Variants in CDKAL1 observed in about 807,000 individuals in gnomAD.
CDKAL1 encodes threonylcarbamoyladenosine tRNA methylthiotransferase.
CDKAL1 carries 32 observed loss-of-function variants against 68.2 expected under a neutral mutation model. The ratio of observed to expected loss-of-function variants is 0.47; its 90% CI spans 0.35 to 0.63. CDKAL1 has a LOEUF of 0.63. Among genes scored for constraint, CDKAL1 ranks in the 30% least tolerant of loss-of-function variants. The probability of loss-of-function intolerance (pLI) is 0.00; values close to 1 mark genes in which losing one functional copy is unlikely to be tolerated. For synonymous variants in CDKAL1, 234 were observed against 244.3 expected, an observed-to-expected ratio of 0.96 and a Z score of 0.39; for missense variants, 606 against 696.7, an observed-to-expected ratio of 0.87 and a Z score of 1.47.
At chr6:20,848,279 G>GTTTTTTTTTTTTT (rs1554130310) in intron 9 of CDKAL1, among the ~76,000 whole-genome samples, 31 of 62,328 alleles carry the variant, frequency 5.0e-4, no homozygotes, top group African/African-American at 1.1e-3. Context: ...CTGGAAAGTT[G>GTTTTTTTTTTTTT]TTTTTTTTTT....
Position 21,198,366 on chromosome 6 carries a change from G to A in CDKAL1, c.1383+262G>A, listed in dbSNP as rs892522342. 9.2e-5 allele frequency among the ~76,000 whole-genome samples: 14 copies of A among 152,256 alleles called. 1 individual carries two copies. In the East Asian group the frequency reaches 2.5e-3, roughly 27 times the overall value. On this transcript the variant is annotated intron_variant, in intron 14 of 15. Coordinates refer to ENST00000274695, the MANE Select transcript of CDKAL1 (RefSeq NM_017774.3). The stretch of plus-strand genomic sequence containing the variant: ...CCAGCTTTAGGCTTTTGGGCGTTTG[G>A]AACCAGGCAATTAGCACTGCCAGAA...
intron 4 of CDKAL1, among the ~76,000 whole-genome samples, chr6:20,605,971 G>A (rs1766317157): frequency 6.6e-6 from 1 of 152,116 alleles, no homozygotes; most frequent in Non-Finnish European, 1.5e-5. Flanking sequence ...TCTTAACTCT[G>A]TCTTAGTGCA....
chr6:20,862,656 TGTGTGTGCGCGCGTGCATGCGCGC>T (rs1436591154), intron 9 of CDKAL1, among the ~76,000 whole-genome samples: 1 of 150,220 alleles, frequency 6.7e-6, no homozygotes, highest in Non-Finnish European at 1.5e-5. Context: ...TGTGTGTGTG[TGTGTGTGCGCGCGTGCATGCGCGC>T]GTGCGCATAT....
At chr6:21,209,489 G>C (rs1348277239) in intron 15 of CDKAL1, among the ~76,000 whole-genome samples, 1 of 152,188 alleles carries the variant, frequency 6.6e-6, no homozygotes, top group Non-Finnish European at 1.5e-5. Flanking sequence ...AATGAATATG[G>C]GCTTGGTCTT....
intron 11 of CDKAL1, among the ~76,000 whole-genome samples, chr6:21,032,412 C>G (rs1769343837): frequency 1.3e-5 from 2 of 152,114 alleles, no homozygotes; most frequent in South Asian, 4.1e-4. Flanking sequence ...ATGTTCAAAA[C>G]AGCGGAACTC....
At chr6:20,781,992 T>A (rs911034283) in intron 8 of CDKAL1, among the ~76,000 whole-genome samples, 4 of 152,218 alleles carry the variant, frequency 2.6e-5, no homozygotes, top group African/African-American at 9.7e-5. Context: ...CCCTTTTACT[T>A]CATCCTCCTT....
At chr6:20,600,734 TA>T (rs1766045936) in intron 4 of CDKAL1, among the ~76,000 whole-genome samples, 1 of 121,576 alleles carries the variant, frequency 8.2e-6, no homozygotes, top group South Asian at 2.8e-4. Flanking sequence ...AATGATGATT[TA>T]AAAAACCTGG....
At chr6:21,069,770 CTTTCTTT>C (rs1771655785) in intron 12 of CDKAL1, among the ~76,000 whole-genome samples, 28 of 42,246 alleles carry the variant, frequency 6.6e-4, no homozygotes, top group Non-Finnish European at 1.2e-3. Context: ...CCCAGATTTT[CTTTCTTT>C]TTTTTTTTTT....
chr6:20,710,807 C>G (rs1196976396), intron 5 of CDKAL1, among the ~76,000 whole-genome samples: 2 of 151,920 alleles, frequency 1.3e-5, no homozygotes, highest in African/African-American at 4.8e-5. Context: ...TTTGTTTGGC[C>G]AAGTATTTTC....
chr6:21,045,963 C>A (rs1410509034), intron 11 of CDKAL1, among the ~76,000 whole-genome samples: 1 of 152,136 alleles, frequency 6.6e-6, no homozygotes, highest in African/African-American at 2.4e-5. Flanking sequence ...CAGTGGGAGG[C>A]AGCTTATTAT....
At chr6:20,844,972 T>C (rs1030194323) in intron 8 of CDKAL1, among the ~76,000 whole-genome samples, 11 of 152,204 alleles carry the variant, frequency 7.2e-5, no homozygotes, top group Admixed American at 7.2e-4. Flanking sequence ...CAAGATTATG[T>C]GGTCGGTTAA....
chr6:20,857,233 A>C (rs1329468858), intron 9 of CDKAL1, among the ~76,000 whole-genome samples: 1 of 152,212 alleles, frequency 6.6e-6, no homozygotes, highest in Non-Finnish European at 1.5e-5. Context: ...GACTTTTAAA[A>C]ATACGTCCTC....
intron 11 of CDKAL1, among the ~76,000 whole-genome samples, chr6:21,057,845 G>C (rs1770920634): frequency 6.6e-6 from 1 of 152,102 alleles, no homozygotes; most frequent in African/African-American, 2.4e-5. Flanking sequence ...TTAATCCTGG[G>C]TTCTAATTTG....
chr6:20,680,626 T>G (rs976004970), intron 5 of CDKAL1, among the ~76,000 whole-genome samples: 2 of 152,212 alleles, frequency 1.3e-5, no homozygotes, highest in African/African-American at 2.4e-5. Flanking sequence ...TTGTTCTTTC[T>G]ATAAGCAAGA....
intron 4 of CDKAL1, among the ~76,000 whole-genome samples, chr6:20,588,140 A>G (rs1212545491): frequency 1.3e-5 from 2 of 152,070 alleles, no homozygotes; most frequent in African/African-American, 4.8e-5. Flanking sequence ...AAACCAACCA[A>G]ACAAAAAATT....
intron 13 of CDKAL1, among the ~76,000 whole-genome samples, chr6:21,126,553 A>G (rs1025386585): frequency 6.6e-6 from 1 of 152,156 alleles, no homozygotes; most frequent in African/African-American, 2.4e-5. Context: ...GCTCTTCTGT[A>G]AACTTCACCA....
intron 4 of CDKAL1, among the ~76,000 whole-genome samples, chr6:20,578,011 A>G (rs993742419): frequency 2.0e-5 from 3 of 152,084 alleles, no homozygotes; most frequent in Admixed American, 6.5e-5. Flanking sequence ...AAAAAGAACA[A>G]ATACATGTAT....
chr6:20,575,597 GT>G (rs1488918193), intron 4 of CDKAL1, among the ~76,000 whole-genome samples: 3 of 151,972 alleles, frequency 2.0e-5, no homozygotes, highest in Non-Finnish European at 4.4e-5. Context: ...ACAGGTCCAA[GT>G]TATTTCTATG....
chr6:21,151,177 A>T (rs1333470018), intron 13 of CDKAL1, among the ~76,000 whole-genome samples: 1 of 152,224 alleles, frequency 6.6e-6, no homozygotes, highest in African/African-American at 2.4e-5. Context: ...GAGAAATGTG[A>T]CATTTAGAAC....
Sources: gnomAD v4.1 joint callset for allele counts (sites outside exome capture counted in the v4.1 genomes callset) on GRCh38, gnomAD v4.1.1 for gene constraint, MANE v1.5 for transcripts, NCBI Gene and HGNC (gene_info 2026-07-23, HGNC 2026-07-21) for gene names.